The following LCA5 variants were observed in gnomAD, a reference collection of about 807,000 sequenced individuals.
LCA5 encodes the protein lebercilin LCA5.
In LCA5, 37 loss-of-function variants were observed where a neutral mutation model predicts 53.0. That is an observed-to-expected ratio of 0.70 (90% CI 0.54 to 0.92). The LOEUF is 0.92. LCA5 is among the 40% of genes least tolerant of loss of function. LCA5 has a pLI of 0.00. For synonymous variants in LCA5, 303 were observed against 282.9 expected, an observed-to-expected ratio of 1.07 and a Z score of -0.71; for missense variants, 806 against 790.5, an observed-to-expected ratio of 1.02 and a Z score of -0.23.
In LCA5 at chr6:79,487,862, C is replaced by G. The variant is rs761872177; in HGVS notation, c.1236G>C (p.Trp412Cys). Residue 412 changes from tryptophan (W) to cysteine (C), a missense_variant, in exon 8 of 8, where the codon TGG becomes TGC. Physicochemically the swap from Trp to Cys is radical, Grantham distance 215. Coordinates refer to ENST00000369846, the MANE Select transcript of LCA5 (RefSeq NM_001122769.3). ...GCTTTTTATCAAGTTCTTCTCTTTC[C>G]CATTCTGTATGAAATCAAATTTTTT... The part of the protein sequence containing the change: ...KQEVEKLEDE[W>C]EREELDKKQK... 2.5e-6 allele frequency: 4 copies of G among 1,603,644 alleles called. No homozygotes were observed. In the Admixed American group the frequency reaches 5.1e-5, roughly 20 times the overall value.
chr6:79,514,921 A>C (rs1024803437), intron 2 of LCA5, among the ~76,000 whole-genome samples: 1 of 152,044 alleles, frequency 6.6e-6, no homozygotes, highest in Admixed American at 6.6e-5. Context: ...ACTAGGCCTA[A>C]TGCCTGGGTG....
chr6:79,537,846 G>T (rs1767202418), upstream of LCA5, among the ~76,000 whole-genome samples: 1 of 151,966 alleles, frequency 6.6e-6, no homozygotes, highest in Non-Finnish European at 1.5e-5. Context: ...AGTGCTTCTG[G>T]ATCTTCTTAC....
At chr6:79,538,018 GTTTTTTTTTTTT>G (rs869197362), upstream of LCA5, among the ~76,000 whole-genome samples, 932 of 44,130 alleles carry the variant, frequency 0.021, 21 homozygotes, top group South Asian at 0.042. Flanking sequence ...TTGCACACAA[GTTTTTTTTTTTT>G]TTTTTTTTTT....
At chr6:79,527,139 GA>G (rs755692727) in intron 1 of LCA5, among the ~76,000 whole-genome samples, 11 of 152,070 alleles carry the variant, frequency 7.2e-5, no homozygotes, top group Non-Finnish European at 1.2e-4. Flanking sequence ...CCTAACCACT[GA>G]AACAGCCATG....
chr6:79,504,443 T>C (rs1770223648), intron 3 of LCA5, among the ~76,000 whole-genome samples: 2 of 152,172 alleles, frequency 1.3e-5, no homozygotes, highest in African/African-American at 2.4e-5. Context: ...TCAGGTAACA[T>C]TTATGGACAG....
At chr6:79,535,073 A>G (rs1562116760) in intron 1 of LCA5, among the ~76,000 whole-genome samples, 1 of 152,200 alleles carries the variant, frequency 6.6e-6, no homozygotes, top group Non-Finnish European at 1.5e-5. Context: ...TGACTTAAAA[A>G]TACATTAAAA....
intron 2 of LCA5, among the ~76,000 whole-genome samples, chr6:79,516,375 T>C (rs1766437227): frequency 6.6e-6 from 1 of 151,964 alleles, no homozygotes; most frequent in Non-Finnish European, 1.5e-5. Context: ...TGTATAAAGA[T>C]GAATGTCAAT....
chr6:79,494,284 C>T (rs897751301), intron 3 of LCA5, among the ~76,000 whole-genome samples: 1 of 151,668 alleles, frequency 6.6e-6, no homozygotes, highest in African/African-American at 2.4e-5. Flanking sequence ...AATAAGATAC[C>T]AAGACAGATA....
At position 79,487,583 on chromosome 6, in the gene LCA5, G is replaced by A; in HGVS notation, c.1515C>T (p.Ser505=). The A allele has an allele frequency of 6.2e-7, 1 of 1,614,004 alleles. No homozygotes were observed. Among genetic ancestry groups the A allele is most frequent in the Non-Finnish European group, 8.5e-7 (1 of 1,179,918 alleles). Residue 505 remains serine, a synonymous_variant, in exon 8 of 8, where the codon AGC becomes AGT. Coordinates refer to ENST00000369846, the MANE Select transcript of LCA5 (RefSeq NM_001122769.3). Reference sequence around the variant, plus strand: ...ATTCAGAGAACCTGTATGTTTTGGGGCTTCTCTCTGGGGAGTGTAGTTTTG... The same window carrying A: ...ATTCAGAGAACCTGTATGTTTTGGGACTTCTCTCTGGGGAGTGTAGTTTTG... ...FESKLHSPER[S]PKTYRFSESS...
intron 5 of LCA5, 140 bp downstream of exon 5, chr6:79,492,411 G>A (rs1671433112): frequency 9.0e-6 from 4 of 443,728 alleles, no homozygotes; most frequent in Non-Finnish European, 1.6e-5. Context: ...AAATTATTAG[G>A]AAATTTAAAT....
chr6:79,499,860 C>T (rs1243216624), intron 3 of LCA5, among the ~76,000 whole-genome samples: 4 of 150,584 alleles, frequency 2.7e-5, no homozygotes, highest in Non-Finnish European at 5.9e-5. Context: ...CCCCACCCCA[C>T]AACAGTCCCC....
At chr6:79,538,189 C>T (rs1033818511), upstream of LCA5, among the ~76,000 whole-genome samples, 1 of 151,668 alleles carries the variant, frequency 6.6e-6, no homozygotes, top group Non-Finnish European at 1.5e-5. Flanking sequence ...TTAAACTGCT[C>T]CGAGCCATCT....
In LCA5 at chr6:79,487,842, T is replaced by C. The variant is rs779228519; in HGVS notation, c.1256A>G (p.Lys419Arg). Residue 419 changes from lysine (K) to arginine (R), a missense_variant, in exon 8 of 8, where the codon AAA (lysine) becomes AGA (arginine). Lys to Arg is a conservative substitution (Grantham distance 26, BLOSUM62 2). Transcript: ENST00000369846. ...TAAAGATGCCTTTTCTTTTTGCTTTTTATCAAGTTCTTCTCTTTCCCATTC... is the reference window on the plus strand; with the variant it reads ...TAAAGATGCCTTTTCTTTTTGCTTTCTATCAAGTTCTTCTCTTTCCCATTC... ...EDEWEREELD[K>R]KQKEKASLLE... is the part of the protein sequence containing the mutation. 6.2e-7 allele frequency: 1 copy of C among 1,608,106 alleles called. No individual in the cohort carries two copies. Among genetic ancestry groups the C allele is most frequent in the Non-Finnish European group, 8.5e-7 (1 of 1,177,958 alleles).
chr6:79,513,771 G>A (rs1766331122), intron 2 of LCA5, 30 bp from the exon 3 acceptor site: 1 of 1,604,102 alleles, frequency 6.2e-7, no homozygotes, highest in South Asian at 1.1e-5. Context: ...AATGTAAAGT[G>A]AAAGCTGTAC....
At chr6:79,495,592 A>C (rs1430415051) in intron 3 of LCA5, among the ~76,000 whole-genome samples, 1 of 152,032 alleles carries the variant, frequency 6.6e-6, no homozygotes, top group East Asian at 1.9e-4. Flanking sequence ...TCTACTAAAA[A>C]TACAAAAAAT....
intron 3 of LCA5, among the ~76,000 whole-genome samples, chr6:79,503,773 C>G (rs1770204910): frequency 6.6e-6 from 1 of 152,096 alleles, no homozygotes; most frequent in Admixed American, 6.6e-5. Flanking sequence ...TGGTGTATAA[C>G]CAGAATTTGA....
At chr6:79,496,375 G>T (rs906895081) in intron 3 of LCA5, among the ~76,000 whole-genome samples, 2 of 152,172 alleles carry the variant, frequency 1.3e-5, no homozygotes, top group African/African-American at 4.8e-5. Context: ...CTGCATGAAT[G>T]TTCACAGCAG....
intron 3 of LCA5, among the ~76,000 whole-genome samples, chr6:79,502,186 G>A (rs1582628349): frequency 6.6e-6 from 1 of 152,074 alleles, no homozygotes; most frequent in African/African-American, 2.4e-5. Flanking sequence ...AAAGTACAAT[G>A]AGAAAAGCTC....
At chr6:79,491,210 C>T (rs1029798630) in intron 6 of LCA5, among the ~76,000 whole-genome samples, 5 of 152,088 alleles carry the variant, frequency 3.3e-5, no homozygotes, top group Non-Finnish European at 7.4e-5. Flanking sequence ...ACCCAGGAAG[C>T]ACAATCCATC....
Sources: allele counts gnomAD v4.1 joint callset (sites outside exome capture counted in the v4.1 genomes callset), GRCh38; gene constraint gnomAD v4.1.1; transcripts MANE v1.5; gene names NCBI Gene and HGNC (gene_info 2026-07-23, HGNC 2026-07-21).